The following ATP6V1C1 variants were observed in gnomAD, a reference collection of about 807,000 sequenced individuals.
ATP6V1C1 encodes V-type proton ATPase subunit C 1.
Under a neutral mutation model 53.9 loss-of-function variants are expected in ATP6V1C1, and 45 were observed. The observed-to-expected ratio is 0.83, with a 90% CI of 0.66 to 1.07. ATP6V1C1 has a LOEUF of 1.07. Ranked by LOEUF, ATP6V1C1 falls within the 50% of genes least tolerant of loss-of-function variation. The pLI, the probability that ATP6V1C1 is intolerant of heterozygous loss-of-function variation, is 0.00. For missense variants in ATP6V1C1, 315 were observed against 440.3 expected, an observed-to-expected ratio of 0.72 and a Z score of 2.55; for synonymous variants, 153 against 155.2, an observed-to-expected ratio of 0.99 and a Z score of 0.11.
At chr8:103,048,793 A>G in intron 3 of ATP6V1C1, 77 bp from the exon 4 acceptor site, 3 of 1,222,496 alleles carry the variant, frequency 2.5e-6, no homozygotes, top group Non-Finnish European at 2.4e-6. Context: ...TCATGTCTTT[A>G]TGTAATATGT....
chr8:103,064,685 A>G (rs375924169), intron 10 of ATP6V1C1, 29 bp from the exon 11 acceptor site: 202 of 1,590,670 alleles, frequency 1.3e-4, no homozygotes, highest in Non-Finnish European at 1.6e-4. Flanking sequence ...CTAAGACCAA[A>G]TTTGTGGTAA....
At chr8:103,029,362 TG>T (rs1478112675) in intron 1 of ATP6V1C1, among the ~76,000 whole-genome samples, 3 of 151,142 alleles carry the variant, frequency 2.0e-5, no homozygotes, top group African/African-American at 7.3e-5. Flanking sequence ...CTCTGCCTCC[TG>T]GGTTCAAGCG....
intron 1 of ATP6V1C1, among the ~76,000 whole-genome samples, chr8:103,031,415 T>C (rs1337489670): frequency 6.6e-6 from 1 of 152,276 alleles, no homozygotes; most frequent in South Asian, 2.1e-4. Flanking sequence ...GGATCTCAGC[T>C]TCTCATGAGG....
chr8:103,052,589 G>T, intron 5 of ATP6V1C1, 142 bp from the exon 6 acceptor site: 1 of 395,944 alleles, frequency 2.5e-6, no homozygotes, highest in Non-Finnish European at 4.4e-6. Flanking sequence ...TCCTAAAGTC[G>T]TGCTTTTAAA....
At chr8:103,043,875 G>A (rs921536114) in intron 3 of ATP6V1C1, among the ~76,000 whole-genome samples, 1 of 151,932 alleles carries the variant, frequency 6.6e-6, no homozygotes, top group Non-Finnish European at 1.5e-5. Context: ...CTCCTGTTCT[G>A]TGAGTTGTCT....
chr8:103,032,011 A>AC (rs1454670756), intron 1 of ATP6V1C1, among the ~76,000 whole-genome samples: 11 of 83,964 alleles, frequency 1.3e-4, no homozygotes, highest in African/African-American at 3.5e-4. Context: ...TAAAAAAAAA[A>AC]CAAAAAACAA....
At chr8:103,039,790 G>A (rs1282262060) in intron 1 of ATP6V1C1, among the ~76,000 whole-genome samples, 1 of 152,088 alleles carries the variant, frequency 6.6e-6, no homozygotes, top group African/African-American at 2.4e-5. Context: ...GAATCTTAAT[G>A]GGACTCTTTG....
intron 3 of ATP6V1C1, among the ~76,000 whole-genome samples, chr8:103,047,038 G>C (rs367662070): frequency 6.6e-6 from 1 of 152,182 alleles, no homozygotes; most frequent in African/African-American, 2.4e-5. Flanking sequence ...AATTTTATGA[G>C]AATGATTTGT....
Position 103,040,789 on chromosome 8 carries a change from A to G in ATP6V1C1, c.-39-9A>G, listed in dbSNP as rs1816985721. The G allele has an allele frequency of 3.8e-6, 6 of 1,577,716 alleles. No homozygotes were observed. In the Admixed American group the frequency reaches 7.6e-5, roughly 20 times the overall value. On this transcript the variant is annotated splice_polypyrimidine_tract_variant and intron_variant, in intron 1 of 12. Transcript: ENST00000518738. ...AAATGTGATTTTTTTTATTTGTTTT[A>G]CATTTCAGAATCTCTCTTGATTTTT...
chr8:103,062,763 T>C (rs983747568), intron 8 of ATP6V1C1, among the ~76,000 whole-genome samples, 192 bp from the exon 9 acceptor site: 13 of 151,184 alleles, frequency 8.6e-5, no homozygotes. Flanking sequence ...TGTTAAGGTA[T>C]CATAAGCAAA....
At chr8:103,052,669 A>T in intron 5 of ATP6V1C1, 62 bp from the exon 6 acceptor site, 2 of 849,328 alleles carry the variant, frequency 2.4e-6, no homozygotes, top group Non-Finnish European at 3.4e-6. Context: ...CTACTTTGAT[A>T]GTATTAGTAG....
At chr8:103,039,924 A>T (rs1352900878) in intron 1 of ATP6V1C1, among the ~76,000 whole-genome samples, 1 of 152,000 alleles carries the variant, frequency 6.6e-6, no homozygotes, top group African/African-American at 2.4e-5. Flanking sequence ...CAGATTTGTA[A>T]ATGTTCGATG....
chr8:103,061,619 A>G (rs1817399783), intron 8 of ATP6V1C1, among the ~76,000 whole-genome samples: 1 of 152,170 alleles, frequency 6.6e-6, no homozygotes, highest in Non-Finnish European at 1.5e-5. Context: ...TATTGTCTAG[A>G]TTGTGGTGAT....
chr8:103,032,471 CCCCTT>C (rs970852681), intron 1 of ATP6V1C1, among the ~76,000 whole-genome samples: 1 of 151,954 alleles, frequency 6.6e-6, no homozygotes, highest in Non-Finnish European at 1.5e-5. Context: ...CTCCTCCCCT[CCCCTT>C]CCTTTTTTTC....
chr8:103,047,427 C>CGT (rs1333647236), intron 3 of ATP6V1C1, among the ~76,000 whole-genome samples: 5 of 100,680 alleles, frequency 5.0e-5, no homozygotes, highest in Admixed American at 3.3e-4. Flanking sequence ...AAAAAATGCG[C>CGT]GCGCACACAC....
intron 1 of ATP6V1C1, among the ~76,000 whole-genome samples, chr8:103,034,895 C>A (rs951909458): frequency 6.6e-6 from 1 of 152,072 alleles, no homozygotes; most frequent in African/African-American, 2.4e-5. Flanking sequence ...TTTTACCTGA[C>A]TTGTGTAAGT....
intron 11 of ATP6V1C1, among the ~76,000 whole-genome samples, chr8:103,066,033 C>T (rs1035609493): frequency 2.0e-5 from 3 of 151,684 alleles, no homozygotes; most frequent in South Asian, 4.2e-4. Context: ...AGTAAGAATC[C>T]GTCTCAAAAG....
At chr8:103,027,852 A>G (rs1046252686) in intron 1 of ATP6V1C1, among the ~76,000 whole-genome samples, 1 of 151,896 alleles carries the variant, frequency 6.6e-6, no homozygotes, top group African/African-American at 2.4e-5. Flanking sequence ...CCCTCCCTGC[A>G]CACACACAGA....
chr8:103,052,218 T>G (rs976423146), intron 5 of ATP6V1C1, among the ~76,000 whole-genome samples: 2 of 152,072 alleles, frequency 1.3e-5, no homozygotes, highest in Admixed American at 6.6e-5. Context: ...CGAATGTTGT[T>G]TACTTCACAT....
Sources: gnomAD v4.1 joint callset for allele counts (sites outside exome capture counted in the v4.1 genomes callset) on GRCh38, gnomAD v4.1.1 for gene constraint, MANE v1.5 for transcripts, NCBI Gene and HGNC (gene_info 2026-07-23, HGNC 2026-07-21) for gene names.